The following ANLN variants were observed in gnomAD, a reference collection of about 807,000 sequenced individuals.
ANLN encodes anillin.
Under a neutral mutation model 135.1 loss-of-function variants are expected in ANLN, and 59 were observed. That is an observed-to-expected ratio of 0.44 (90% CI 0.35 to 0.54). The LOEUF (loss-of-function observed/expected upper bound fraction) is 0.54. Among genes scored for constraint, ANLN ranks in the 20% least tolerant of loss-of-function variants. ANLN has a pLI of 0.00. For synonymous variants in ANLN, 406 were observed against 456.4 expected, an observed-to-expected ratio of 0.89 and a Z score of 1.41; for missense variants, 1,182 against 1,340.0, an observed-to-expected ratio of 0.88 and a Z score of 1.84.
chr7:36,399,377 T>C lies in ANLN; in HGVS notation c.471T>C (p.Asp157=), dbSNP rs1312528764. The C allele has an allele frequency of 2.5e-6, 4 of 1,610,230 alleles. No individual in the cohort carries two copies. In the African/African-American group the frequency reaches 5.3e-5, roughly 22 times the overall value. ...TTGCAGAGCAACGGCGCCGTTGGGA[T>C]AATGATGATATGACAGGTATGAATT... ...QKLAEQRRRW[D]NDDMTDDIPE... is the part of the protein sequence containing the mutation. Residue 157 remains aspartate, a synonymous_variant, in exon 3 of 24, where the codon GAT becomes GAC. Coordinates refer to ENST00000265748, the MANE Select transcript of ANLN (RefSeq NM_018685.5).
intron 9 of ANLN, among the ~76,000 whole-genome samples, chr7:36,418,754 C>CTTTTTTT (rs71553066): frequency 7.0e-6 from 1 of 143,766 alleles, no homozygotes; most frequent in Non-Finnish European, 1.5e-5. Context: ...TTTCTTTTTT[C>CTTTTTTT]TTTTTTTTTT....
chr7:36,451,380 T>C (rs1789236083), intron 23 of ANLN, among the ~76,000 whole-genome samples: 1 of 152,240 alleles, frequency 6.6e-6, no homozygotes, highest in Non-Finnish European at 1.5e-5. Context: ...GTAGTTACAG[T>C]GGAGCTTTGA....
At chr7:36,435,249 C>A (rs960402277) in intron 20 of ANLN, among the ~76,000 whole-genome samples, 6 of 152,216 alleles carry the variant, frequency 3.9e-5, no homozygotes, top group African/African-American at 7.2e-5. Context: ...TCACTCCCAT[C>A]TAGTCAATCC....
intron 19 of ANLN, 70 bp downstream of exon 19, chr7:36,426,106 T>C: frequency 9.3e-7 from 1 of 1,078,556 alleles, no homozygotes; most frequent in Admixed American, 2.8e-5. Context: ...TATTTACATA[T>C]ATATAGGCCA....
chr7:36,409,516 A>G (rs1288957768), intron 5 of ANLN, among the ~76,000 whole-genome samples: 1 of 152,158 alleles, frequency 6.6e-6, no homozygotes, highest in Non-Finnish European at 1.5e-5. Context: ...TTTATAGGAA[A>G]ATATATGCTA....
At chr7:36,404,892 C>A (rs1787124113) in intron 3 of ANLN, among the ~76,000 whole-genome samples, 1 of 152,158 alleles carries the variant, frequency 6.6e-6, no homozygotes, top group Non-Finnish European at 1.5e-5. Flanking sequence ...TAATGCTACT[C>A]AGAACGGTGT....
At chr7:36,441,479 T>C (rs1351124560) in intron 21 of ANLN, among the ~76,000 whole-genome samples, 1 of 152,208 alleles carries the variant, frequency 6.6e-6, no homozygotes, top group Non-Finnish European at 1.5e-5. Flanking sequence ...TCAGCTTCCT[T>C]TCCTGATGTG....
intron 5 of ANLN, among the ~76,000 whole-genome samples, chr7:36,409,284 A>G (rs182076390): frequency 2.6e-5 from 4 of 152,348 alleles, no homozygotes; most frequent in South Asian, 4.1e-4. Flanking sequence ...AGTTTGGAAT[A>G]TGGCCTGAAG....
At chr7:36,439,320 CT>C in intron 21 of ANLN, 30 bp downstream of exon 21, 2 of 1,236,042 alleles carry the variant, frequency 1.6e-6, no homozygotes, top group East Asian at 2.4e-5. Context: ...CTTTAACTTC[CT>C]TTTTTCCATT....
intron 10 of ANLN, 132 bp from the exon 11 acceptor site, chr7:36,420,036 CT>C (rs1787808719): frequency 1.2e-6 from 1 of 845,990 alleles, no homozygotes; most frequent in African/African-American, 1.7e-5. Context: ...ACTTAGTTTG[CT>C]TTGTTTTTAT....
At chr7:36,445,209 T>A (rs1057386428) in intron 22 of ANLN, among the ~76,000 whole-genome samples, 1 of 133,992 alleles carries the variant, frequency 7.5e-6, no homozygotes, top group Non-Finnish European at 1.6e-5. Context: ...AATATTTGCA[T>A]TATACGTGCC....
Position 36,406,400 on chromosome 7 carries a change from C to G in ANLN, c.707C>G (p.Ser236Cys), listed in dbSNP as rs1209114909. 1 of 1,613,290 alleles carries G rather than the reference C, an allele frequency of 6.2e-7. No homozygotes were observed. Among genetic ancestry groups the G allele is most frequent in the Non-Finnish European group, 8.5e-7 (1 of 1,179,268 alleles). Residue 236 changes from serine to cysteine, a missense_variant, in exon 4 of 24, where the codon TCC becomes TGC. Transcript: ENST00000265748. ...VQEQPGTACLSKFSSASGASA... is the reference protein window; with the variant it reads ...VQEQPGTACLCKFSSASGASA... ...GAACAGCCTGGTACCGCTTGTTTATCCAAATTTTCCTCTGCAAGTGGAGCA... is the reference window on the plus strand; with the variant it reads ...GAACAGCCTGGTACCGCTTGTTTATGCAAATTTTCCTCTGCAAGTGGAGCA...
chr7:36,400,115 T>C (rs1786877823), intron 3 of ANLN, among the ~76,000 whole-genome samples: 1 of 152,184 alleles, frequency 6.6e-6, no homozygotes, highest in African/African-American at 2.4e-5. Flanking sequence ...TTTTATTAAA[T>C]GCAGACTGTA....
At chr7:36,413,432 G>T (rs770711932) in intron 7 of ANLN, among the ~76,000 whole-genome samples, 1 of 152,170 alleles carries the variant, frequency 6.6e-6, no homozygotes, top group Non-Finnish European at 1.5e-5. Flanking sequence ...TCACTCTTCT[G>T]TTGGGAGCGC....
At chr7:36,447,099 C>A (rs1391433222) in intron 22 of ANLN, among the ~76,000 whole-genome samples, 3 of 152,120 alleles carry the variant, frequency 2.0e-5, no homozygotes, top group African/African-American at 7.2e-5. Context: ...AAATTTAATG[C>A]CTTTTGTATT....
chr7:36,443,905 C>A, intron 22 of ANLN, 43 bp downstream of exon 22: 2 of 1,396,298 alleles, frequency 1.4e-6, no homozygotes, highest in Non-Finnish European at 2.0e-6. Context: ...CCCTGATTGA[C>A]TTTCGTGTAG....
Position 36,449,795 on chromosome 7 carries a change from A to G in ANLN, c.3209A>G (p.Glu1070Gly), listed in dbSNP as rs747895155. 3 of 1,614,104 alleles carry G rather than the reference A, an allele frequency of 1.9e-6. No homozygotes were observed. The highest frequency in any genetic ancestry group is 1.7e-6 in the Non-Finnish European group (2 of 1,179,940). Reference protein sequence around the residue: ...TVRPQREDDRETLVSQCRDTL... With the variant: ...TVRPQREDDRGTLVSQCRDTL... ...CGACCACAAAGAGAAGATGACCGAG[A>G]GACTCTTGTCAGCCAATGCAGGGAC... The change falls in exon 23 of 24, where the codon GAG (glutamate) becomes GGG (glycine). Residue 1070 changes from glutamate (E) to glycine (G), a missense_variant. This residue lies in a region of ANLN where 78 missense variants were observed against 72.7 expected (regional missense o/e 1.07). Coordinates refer to ENST00000265748, the MANE Select transcript of ANLN (RefSeq NM_018685.5).
chr7:36,439,950 G>A (rs1010787199), intron 21 of ANLN, among the ~76,000 whole-genome samples: 1 of 152,162 alleles, frequency 6.6e-6, no homozygotes, highest in African/African-American at 2.4e-5. Context: ...TTAAGCAGAG[G>A]AAATTATCCA....
At chr7:36,393,427 AGAG>A (rs1349493308) in intron 1 of ANLN, among the ~76,000 whole-genome samples, 3 of 152,204 alleles carry the variant, frequency 2.0e-5, no homozygotes, top group Non-Finnish European at 4.4e-5. Flanking sequence ...GCACTTCAAG[AGAG>A]GAGAAGCTGG....
Sources: allele counts gnomAD v4.1 joint callset (sites outside exome capture counted in the v4.1 genomes callset), GRCh38; gene constraint gnomAD v4.1.1; regional missense constraint gnomAD v4.1.1; transcripts MANE v1.5; gene names NCBI Gene and HGNC (gene_info 2026-07-23, HGNC 2026-07-21).